Variants in POU6F2 observed in about 807,000 individuals in gnomAD.
POU6F2 encodes the protein POU domain, class 6, transcription factor 2.
A neutral mutation model predicts 71.3 loss-of-function variants in POU6F2; 31 were observed. The observed-to-expected ratio is 0.43, with a 90% CI of 0.33 to 0.59. The LOEUF (loss-of-function observed/expected upper bound fraction) is 0.59. Ranked by LOEUF, POU6F2 falls within the 20% of genes least tolerant of loss-of-function variation. The pLI is 0.04. For missense variants in POU6F2, 783 were observed against 856.8 expected (o/e 0.91, Z 1.07); for synonymous variants, 347 against 355.7 (o/e 0.98, Z 0.27).
intron 2 of POU6F2, among the ~76,000 whole-genome samples, chr7:39,124,266 C>G (rs529533642): frequency 6.6e-6 from 1 of 152,180 alleles, no homozygotes; most frequent in African/African-American, 2.4e-5. Context: ...AAGCTGGTCT[C>G]GAACTCCTGA....
chr7:39,099,950 A>T (rs954062718), intron 2 of POU6F2, among the ~76,000 whole-genome samples: 2 of 152,128 alleles, frequency 1.3e-5, no homozygotes, highest in African/African-American at 4.8e-5. Flanking sequence ...GAAAGCCAAA[A>T]CTCAAGCTAG....
intron 1 of POU6F2, among the ~76,000 whole-genome samples, chr7:39,075,581 C>G (rs1316570701): frequency 1.3e-5 from 2 of 152,150 alleles, no homozygotes; most frequent in African/African-American, 4.8e-5. Context: ...AAGAAAAATC[C>G]TACCAAGAGA....
At chr7:39,428,774 A>C (rs1360878551) in intron 6 of POU6F2, among the ~76,000 whole-genome samples, 1 of 151,446 alleles carries the variant, frequency 6.6e-6, no homozygotes, top group Non-Finnish European at 1.5e-5. Context: ...ACTTCCCTAC[A>C]CTCCCGTCAA....
intron 1 of POU6F2, among the ~76,000 whole-genome samples, chr7:38,989,225 T>G (rs1288308777): frequency 6.6e-6 from 1 of 152,130 alleles, no homozygotes; most frequent in Non-Finnish European, 1.5e-5. Flanking sequence ...GTGTCCCAAG[T>G]TATTTTCACA....
Position 39,004,309 on chromosome 7 carries a change from A to G in POU6F2, c.105+26251A>G, listed in dbSNP as rs569704257. 3.7e-4 allele frequency among the ~76,000 whole-genome samples: 56 copies of G among 152,222 alleles called. 1 individual carries two copies. The highest frequency in any genetic ancestry group is 6.5e-5 in the Admixed American group (1 of 15,280). ...AAAGTAGCCATAGCTTGGACATATTATTGTCAATATGAGTATTAGGCACAT... is the reference window on the plus strand; with the variant it reads ...AAAGTAGCCATAGCTTGGACATATTGTTGTCAATATGAGTATTAGGCACAT... On this transcript the variant is annotated intron_variant, in intron 1 of 9. Coordinates refer to ENST00000518318, the MANE Select transcript of POU6F2 (RefSeq NM_001370959.1).
intron 1 of POU6F2, chr7:39,001,984 A>G (rs1277896270): frequency 6.6e-6 from 1 of 152,254 alleles, no homozygotes; most frequent in Non-Finnish European, 1.5e-5. Flanking sequence ...AATGTTGATT[A>G]TAAGCCACAA....
Position 39,467,860 on chromosome 7 carries a change from G to A in POU6F2, c.*3174G>A, listed in dbSNP as rs925130991. 1 of 152,082 alleles carries A rather than the reference G, an allele frequency of 6.6e-6. No homozygotes were observed. Among genetic ancestry groups the A allele is most frequent in the Non-Finnish European group, 1.5e-5 (1 of 68,028 alleles). 9.4% of individuals were successfully genotyped at this position (152,082 alleles called of 1,614,324 possible). A position where few individuals can be genotyped will look rare whatever the true frequency, so the allele number is the denominator to read the frequency against. ...ATGCCTTTGCTCGTTTCTCTACGCT[G>A]GACCAAAGCTCAATATTTGTAGGTA... On this transcript the variant is annotated 3_prime_UTR_variant, in exon 10 of 10. Coordinates refer to ENST00000518318, the MANE Select transcript of POU6F2 (RefSeq NM_001370959.1).
chr7:39,006,784 C>T, intron 1 of POU6F2: 2 of 1,508,126 alleles, frequency 1.3e-6, no homozygotes, highest in Non-Finnish European at 1.8e-6. Context: ...TTGTGTTACC[C>T]TGTTTGCTGT....
At chr7:39,413,395 A>G (rs999092894) in intron 6 of POU6F2, among the ~76,000 whole-genome samples, 40 of 152,324 alleles carry the variant, frequency 2.6e-4, no homozygotes, top group South Asian at 2.1e-3. Flanking sequence ...AAAAGGCAAA[A>G]GAATATATTG....
intron 2 of POU6F2, among the ~76,000 whole-genome samples, chr7:39,110,104 C>G (rs1791774630): frequency 6.6e-6 from 1 of 151,936 alleles, no homozygotes; most frequent in South Asian, 2.1e-4. Flanking sequence ...AACCCCGTCT[C>G]TACTAAAAAT....
chr7:39,245,957 T>G (rs911500690), intron 4 of POU6F2, among the ~76,000 whole-genome samples: 1 of 152,172 alleles, frequency 6.6e-6, no homozygotes, highest in Non-Finnish European at 1.5e-5. Context: ...GATGAGACAC[T>G]GAAATATTAT....
chr7:38,987,870 A>C (rs1042101435), intron 1 of POU6F2, among the ~76,000 whole-genome samples: 2 of 152,110 alleles, frequency 1.3e-5, no homozygotes, highest in African/African-American at 4.8e-5. Flanking sequence ...TTCCCTACAC[A>C]GACTTCCAGA....
At chr7:39,397,480 AT>A (rs2115857425) in intron 5 of POU6F2, among the ~76,000 whole-genome samples, 1 of 34,214 alleles carries the variant, frequency 2.9e-5, no homozygotes, top group African/African-American at 9.5e-5. Flanking sequence ...AGAGAGAGAC[AT>A]ATATATATAT....
intron 2 of POU6F2, among the ~76,000 whole-genome samples, chr7:39,197,424 C>A (rs779443594): frequency 3.9e-5 from 6 of 152,252 alleles, no homozygotes; most frequent in Non-Finnish European, 8.8e-5. Context: ...AGGCCAGGAC[C>A]TGCGTTTGTA....
intron 3 of POU6F2, among the ~76,000 whole-genome samples, chr7:39,206,110 G>A (rs941963226): frequency 2.6e-5 from 4 of 152,190 alleles, no homozygotes; most frequent in African/African-American, 9.7e-5. Context: ...GAGCTTAGTA[G>A]TATGCCTGTA....
At chr7:39,360,564 T>C (rs190912144) in intron 5 of POU6F2, among the ~76,000 whole-genome samples, 5 of 152,222 alleles carry the variant, frequency 3.3e-5, no homozygotes, top group Admixed American at 3.3e-4. Flanking sequence ...CAGAAAGGGG[T>C]CCAGATCCAG....
chr7:39,342,346 G>T (rs562727291), intron 5 of POU6F2, among the ~76,000 whole-genome samples: 2 of 152,260 alleles, frequency 1.3e-5, no homozygotes, highest in African/African-American at 4.8e-5. Context: ...TTTTTAAAAA[G>T]AAAACTGTTT....
intron 1 of POU6F2, among the ~76,000 whole-genome samples, chr7:39,025,389 A>G (rs1406846654): frequency 1.3e-5 from 2 of 152,192 alleles, no homozygotes; most frequent in African/African-American, 4.8e-5. Context: ...TGGTACTGGT[A>G]CCAAAACAGA....
intron 5 of POU6F2, among the ~76,000 whole-genome samples, chr7:39,378,250 T>C (rs1786748176): frequency 6.6e-6 from 1 of 152,184 alleles, no homozygotes; most frequent in South Asian, 2.1e-4. Flanking sequence ...CATGTTCTCT[T>C]TCTCGAATTT....
Sources: gnomAD v4.1 joint callset for allele counts (sites outside exome capture counted in the v4.1 genomes callset) on GRCh38, gnomAD v4.1.1 for gene constraint, MANE v1.5 for transcripts, NCBI Gene and HGNC (gene_info 2026-07-23, HGNC 2026-07-21) for gene names.